CSMD3: variants seen among roughly 807,000 people sequenced by gnomAD.
CSMD3 encodes the protein CUB and sushi domain-containing protein 3.
A neutral mutation model predicts 435.2 loss-of-function variants in CSMD3; 177 were observed. That is an observed-to-expected ratio of 0.41 (90% CI 0.36 to 0.46). The LOEUF is 0.46. Ranked by LOEUF, CSMD3 falls within the 20% of genes least tolerant of loss-of-function variation. CSMD3 has a pLI of 0.34. For missense variants in CSMD3, 4,265 were observed against 4,504.6 expected, an observed-to-expected ratio of 0.95 and a Z score of 1.52; for synonymous variants, 1,656 against 1,520.5, an observed-to-expected ratio of 1.09 and a Z score of -2.07.
intron 36 of CSMD3, among the ~76,000 whole-genome samples, chr8:112,387,434 T>A (rs1033690068): frequency 1.3e-5 from 2 of 151,184 alleles, no homozygotes; most frequent in Non-Finnish European, 2.9e-5. Context: ...TTAGGTAAAT[T>A]TAATGAAGTT....
At chr8:113,061,754 A>T (rs934246349) in intron 5 of CSMD3, among the ~76,000 whole-genome samples, 15 of 151,070 alleles carry the variant, frequency 9.9e-5, no homozygotes, top group African/African-American at 2.9e-4. Context: ...ATAGGTTAAT[A>T]AAAAAAAAGT....
intron 5 of CSMD3, among the ~76,000 whole-genome samples, chr8:113,055,819 T>C (rs1294383104): frequency 1.3e-5 from 2 of 152,172 alleles, no homozygotes; most frequent in African/African-American, 2.4e-5. Context: ...GCATTTGGCA[T>C]TGTTATTTAT....
chr8:112,290,878 G>T (rs1199459196), intron 56 of CSMD3, among the ~76,000 whole-genome samples: 1 of 151,960 alleles, frequency 6.6e-6, no homozygotes, highest in Non-Finnish European at 1.5e-5. Flanking sequence ...TGCCTTCACA[G>T]AAGTTTGATT....
chr8:112,488,322 G>A (rs1013141252), intron 31 of CSMD3, among the ~76,000 whole-genome samples: 8 of 152,050 alleles, frequency 5.3e-5, no homozygotes, highest in Admixed American at 2.6e-4. Flanking sequence ...GGTGTTACAC[G>A]CTAAACACGA....
intron 1 of CSMD3, among the ~76,000 whole-genome samples, chr8:113,393,557 A>T (rs999056741): frequency 1.3e-5 from 2 of 152,088 alleles, no homozygotes; most frequent in Non-Finnish European, 2.9e-5. Flanking sequence ...TCAAAGTTAC[A>T]ATGGACAAAC....
intron 1 of CSMD3, chr8:113,376,760 C>T (rs1221480133): frequency 2.5e-6 from 4 of 1,613,826 alleles, no homozygotes; most frequent in Non-Finnish European, 3.4e-6. Context: ...GTCGGTCAAG[C>T]TGTACAGGTT....
chr8:112,453,726 T>C (rs1310155318), intron 32 of CSMD3, among the ~76,000 whole-genome samples: 3 of 152,100 alleles, frequency 2.0e-5, no homozygotes, highest in African/African-American at 4.8e-5. Context: ...CCCATAAAAG[T>C]ACCAATGTCA....
chr8:112,959,511 CTTGT>C (rs1286246195), intron 7 of CSMD3, among the ~76,000 whole-genome samples: 1 of 151,716 alleles, frequency 6.6e-6, no homozygotes, highest in Non-Finnish European at 1.5e-5. Flanking sequence ...TAACTAGTAT[CTTGT>C]TTATGTTTTT....
At chr8:112,880,316 G>T (rs2081411692) in intron 10 of CSMD3, among the ~76,000 whole-genome samples, 1 of 152,020 alleles carries the variant, frequency 6.6e-6, no homozygotes, top group Admixed American at 6.6e-5. Flanking sequence ...AATGCAAAAA[G>T]AATAAGGTGG....
At chr8:112,827,045 T>G (rs2079703442) in intron 12 of CSMD3, among the ~76,000 whole-genome samples, 2 of 150,978 alleles carry the variant, frequency 1.3e-5, no homozygotes, top group South Asian at 4.2e-4. Flanking sequence ...ACATTAGGGA[T>G]TGTACAGACC....
At chr8:113,242,643 T>C (rs1325147089) in intron 3 of CSMD3, among the ~76,000 whole-genome samples, 1 of 152,076 alleles carries the variant, frequency 6.6e-6, no homozygotes, top group African/African-American at 2.4e-5. Context: ...AGATCCTTTT[T>C]ATTTTTTAAT....
At chr8:112,523,549 T>G (rs1317094455) in intron 27 of CSMD3, among the ~76,000 whole-genome samples, 1 of 151,998 alleles carries the variant, frequency 6.6e-6, no homozygotes, top group Non-Finnish European at 1.5e-5. Flanking sequence ...ATTTTTGTAT[T>G]GGCTAAAAAA....
At chr8:112,732,760 G>T (rs1357081096) in intron 13 of CSMD3, among the ~76,000 whole-genome samples, 1 of 149,984 alleles carries the variant, frequency 6.7e-6, no homozygotes, top group African/African-American at 2.4e-5. Flanking sequence ...ACTTATTTTA[G>T]AATTCCTGAT....
intron 10 of CSMD3, among the ~76,000 whole-genome samples, chr8:112,919,412 G>A (rs1587670288): frequency 6.6e-6 from 1 of 151,782 alleles, no homozygotes; most frequent in Non-Finnish European, 1.5e-5. Context: ...ACTATCATAA[G>A]TATGATTCAT....
chr8:112,394,305 C>G (rs1416674690), intron 35 of CSMD3, among the ~76,000 whole-genome samples: 1 of 152,184 alleles, frequency 6.6e-6, no homozygotes, highest in Non-Finnish European at 1.5e-5. Context: ...ATCCAAATCA[C>G]ACTACTTTTC....
chr8:113,076,578 G>T (rs1208858050), intron 5 of CSMD3, among the ~76,000 whole-genome samples: 1 of 151,972 alleles, frequency 6.6e-6, no homozygotes, highest in African/African-American at 2.4e-5. Flanking sequence ...AGATTACCCA[G>T]TAATTTAGAC....
In CSMD3 at chr8:112,599,661, C is replaced by T. The variant is rs1374415858; in HGVS notation, c.3716-12426G>A. Among the ~76,000 whole-genome samples, 5 of 151,394 alleles carry T rather than the reference C, an allele frequency of 3.3e-5. No homozygotes were observed. The East Asian group carries it at 9.7e-4, about 29-fold the overall frequency. On this transcript the variant is annotated intron_variant, in intron 22 of 70. Transcript: ENST00000297405. ...TAAACTGGATTAAGAAAATGTGGCA[C>T]ATATACACCATGGAATACTATGCAG...
At chr8:112,362,667 G>A (rs1827365806) in intron 38 of CSMD3, among the ~76,000 whole-genome samples, 1 of 144,040 alleles carries the variant, frequency 6.9e-6, no homozygotes, top group Non-Finnish European at 1.5e-5. Flanking sequence ...TGACGGAACA[G>A]GAGAGGAGTT....
intron 6 of CSMD3, among the ~76,000 whole-genome samples, chr8:112,985,558 G>A (rs903253520): frequency 1.3e-5 from 2 of 152,078 alleles, no homozygotes; most frequent in Non-Finnish European, 2.9e-5. Flanking sequence ...CCCAGGCCAC[G>A]GACTGGTACC....
Sources: allele counts gnomAD v4.1 joint callset (sites outside exome capture counted in the v4.1 genomes callset), GRCh38; gene constraint gnomAD v4.1.1; transcripts MANE v1.5; gene names NCBI Gene and HGNC (gene_info 2026-07-23, HGNC 2026-07-21).